HSPBP1: variants seen among roughly 807,000 people sequenced by gnomAD.
HSPBP1 encodes hsp70-binding protein 1.
In HSPBP1, 31 loss-of-function variants were observed where a neutral mutation model predicts 41.7. The observed-to-expected ratio is 0.74, with a 90% confidence interval of 0.56 to 1.00. The LOEUF (loss-of-function observed/expected upper bound fraction) is 1.00, where lower values mean the gene tolerates loss of function less well. Ranked by LOEUF, HSPBP1 falls within the 50% of genes least tolerant of loss-of-function variation. The pLI is 0.00. For missense variants in HSPBP1, 439 were observed against 487.9 expected, an observed-to-expected ratio of 0.90 and a Z score of 0.94; for synonymous variants, 199 against 214.4, an observed-to-expected ratio of 0.93 and a Z score of 0.63.
rs3040014 is a variant in HSPBP1 at position 55,279,518 on chromosome 19, A to AGCCGCCGCC, written c.82_90dup (p.Gly28_Gly30dup). 801,320 of 1,597,532 alleles carry AGCCGCCGCC rather than the reference A, an allele frequency of 0.5. 202,530 individuals are homozygous for AGCCGCCGCC. The highest frequency in any genetic ancestry group is 0.85 in the East Asian group (37,535 of 44,060). ...GAATTGCCCGAGCCCCCAGCCGAGG[A>AGCCGCCGCC]GCCGCCGCCGCCGCCCCCTGAAGAG... is the stretch of plus-strand genomic sequence containing the variant. On this transcript the variant is annotated inframe_insertion, in exon 2 of 8. Coordinates refer to ENST00000433386, the MANE Select transcript of HSPBP1 (RefSeq NM_012267.5).
intron 7 of HSPBP1, among the ~76,000 whole-genome samples, chr19:55,265,052 G>A (rs529600276): frequency 2.4e-4 from 24 of 98,018 alleles, no homozygotes; most frequent in Admixed American, 3.8e-4. Flanking sequence ...CCCCTCCCCC[G>A]GCACACGATC....
intron 4 of HSPBP1, among the ~76,000 whole-genome samples, chr19:55,271,215 AC>A (rs1040535075): frequency 4.7e-5 from 7 of 150,256 alleles, no homozygotes; most frequent in African/African-American, 1.7e-4. Flanking sequence ...ATATGTAATG[AC>A]TTTTTTTTTT....
rs1600154858 is a variant in HSPBP1 at position 55,277,647 on chromosome 19, G to A, written c.410C>T (p.Ala137Val). 1 of 1,604,942 alleles carries A rather than the reference G, an allele frequency of 6.2e-7. No individual in the cohort carries two copies. Among genetic ancestry groups the A allele is most frequent in the East Asian group, 2.2e-5 (1 of 44,500 alleles). Residue 137 changes from alanine (A) to valine (V), a missense_variant, in exon 3 of 8, where the codon GCC becomes GTC. Physicochemically the swap from Ala to Val is moderately conservative, Grantham distance 64. Transcript: ENST00000433386. ...LADLCENMDNAADFCQLSGMH... is the reference protein window; with the variant it reads ...LADLCENMDNVADFCQLSGMH... ...TGGCGGGGGAAGCGGGGTACCTGCG[G>A]CATTGTCCATGTTCTCACACAGGTC...
At chr19:55,274,666 T>A (rs200370801) in intron 3 of HSPBP1, 44 bp from the exon 4 acceptor site, 3 of 1,524,516 alleles carry the variant, frequency 2.0e-6, no homozygotes, top group Non-Finnish European at 2.7e-6. Context: ...TGTTAGGGAC[T>A]GAACCGTGCC....
chr19:55,262,419 T>C lies in HSPBP1; in HGVS notation c.*189A>G. The stretch of plus-strand genomic sequence containing the variant: ...GAGAACGGGGATGAGAGTGAGAGCA[T>C]GGGAGGTGGGGTCCAAGGAGCTGGT... On this transcript the variant is annotated 3_prime_UTR_variant, in exon 8 of 8. Coordinates refer to ENST00000433386, the MANE Select transcript of HSPBP1 (RefSeq NM_012267.5). 7.1e-7 allele frequency: 1 copy of C among 1,409,938 alleles called. No homozygotes were observed. Among genetic ancestry groups the C allele is most frequent in the Non-Finnish European group, 9.2e-7 (1 of 1,083,464 alleles). 87.3% of individuals were successfully genotyped at this position (1,409,938 alleles called of 1,614,324 possible). A position where few individuals can be genotyped will look rare whatever the true frequency, so the allele number is the denominator to read the frequency against.
chr19:55,264,639 G>A (rs1461155923), intron 7 of HSPBP1, among the ~76,000 whole-genome samples: 3 of 152,056 alleles, frequency 2.0e-5, no homozygotes, highest in Non-Finnish European at 4.4e-5. Context: ...AGACATTTGA[G>A]TGATATTATA....
Position 55,274,611 on chromosome 19 carries a change from G to T in HSPBP1, c.427C>A (p.Leu143Met), listed in dbSNP as rs2088022226. Residue 143 changes from leucine to methionine, a missense_variant, in exon 4 of 8, where the codon CTG becomes ATG. Coordinates refer to ENST00000433386, the MANE Select transcript of HSPBP1 (RefSeq NM_012267.5). ...NMDNAADFCQ[L>M]SGMHLLVGRY... ...CCCACCAGCAGGTGCATGCCAGACA[G>T]CTGGCAGAAGTCTGTGCCACAGAGG... The T allele has an allele frequency of 6.2e-7, 1 of 1,604,942 alleles. No individual in the cohort carries two copies.
At chr19:55,274,357 A>ACCCCCCCCCCCCCCCCCCCC in intron 4 of HSPBP1, 41 bp downstream of exon 4, 1 of 206,248 alleles carries the variant, frequency 4.8e-6, no homozygotes, top group South Asian at 5.1e-5. Context: ...ACCCCCCCCC[A>ACCCCCCCCCCCCCCCCCCCC]CCGCCAGCAC....
At chr19:55,277,195 G>A (rs2088096401) in intron 3 of HSPBP1, among the ~76,000 whole-genome samples, 3 of 152,116 alleles carry the variant, frequency 2.0e-5, no homozygotes, top group Admixed American at 2.0e-4. Flanking sequence ...TGCCTCAAGG[G>A]CCTGGCTGCT....
At chr19:55,276,143 A>G (rs1441944697) in intron 3 of HSPBP1, among the ~76,000 whole-genome samples, 2 of 150,176 alleles carry the variant, frequency 1.3e-5, no homozygotes, top group Non-Finnish European at 3.0e-5. Flanking sequence ...AAGCTCTGAC[A>G]CACGCCACAA....
At chr19:55,274,345 G>GCCCCCCCCCCCCCCCCCCACCCC in intron 4 of HSPBP1, 53 bp downstream of exon 4, 1 of 552,678 alleles carries the variant, frequency 1.8e-6, no homozygotes, top group Non-Finnish European at 3.1e-6. Flanking sequence ...GGCCCACCCG[G>GCCCCCCCCCCCCCCCCCCACCCC]CACCCCCCCC....
chr19:55,265,813 T>C, intron 6 of HSPBP1, 73 bp downstream of exon 6: 1 of 1,006,208 alleles, frequency 9.9e-7, no homozygotes. Context: ...TACGGGCTGA[T>C]TCCTGAGCCA....
At chr19:55,262,772 T>C in intron 7 of HSPBP1, 90 bp from the exon 8 acceptor site, 2 of 1,227,942 alleles carry the variant, frequency 1.6e-6, no homozygotes, top group South Asian at 2.6e-5. Flanking sequence ...GTGACTCCTC[T>C]TCTCTCCTGG....
chr19:55,263,916 T>A (rs1390441856), intron 7 of HSPBP1, among the ~76,000 whole-genome samples: 1 of 152,174 alleles, frequency 6.6e-6, no homozygotes, highest in Non-Finnish European at 1.5e-5. Context: ...CAAATCTAAT[T>A]TGAATGTTTC....
chr19:55,262,730 G>A (rs971722726), intron 7 of HSPBP1, 48 bp from the exon 8 acceptor site: 6 of 1,554,150 alleles, frequency 3.9e-6, no homozygotes, highest in Non-Finnish European at 5.3e-6. Context: ...GCAGAGGCCG[G>A]ACCCTGCCTC....
intron 3 of HSPBP1, 36 bp downstream of exon 3, chr19:55,277,606 G>A: frequency 6.3e-7 from 1 of 1,578,526 alleles, no homozygotes; most frequent in Non-Finnish European, 8.6e-7. Flanking sequence ...GACATGTACA[G>A]AGGGGCAGAA....
chr19:55,274,533 T>A lies in HSPBP1; in HGVS notation c.505A>T (p.Ile169Phe). Reference protein sequence around the residue: ...AGLRWRAAQLIGTCSQNVAAI... With the variant: ...AGLRWRAAQLFGTCSQNVAAI... ...GCCACGTTCTGACTGCACGTGCCGA[T>A]GAGCTGTGCCGCCCGCCACCGCAGT... The change falls in exon 4 of 8, where the codon ATC (isoleucine) becomes TTC (phenylalanine). Residue 169 changes from isoleucine (I) to phenylalanine (F), a missense_variant. Ile to Phe is a conservative substitution (Grantham distance 21). Transcript: ENST00000433386. 1 of 1,608,666 alleles carries A rather than the reference T, an allele frequency of 6.2e-7. No individual in the cohort carries two copies. Among genetic ancestry groups the A allele is most frequent in the Non-Finnish European group, 8.5e-7 (1 of 1,179,404 alleles).
In HSPBP1 at chr19:55,270,057, G is replaced by A. The variant is rs2087880862; in HGVS notation, c.641-3771C>T. On this transcript the variant is annotated intron_variant, in intron 4 of 7. Coordinates refer to ENST00000433386, the MANE Select transcript of HSPBP1 (RefSeq NM_012267.5). This position sits in a 1 kb window ranked among gnomAD's most constrained non-coding sequence, Gnocchi z 5.4. Reference sequence around the variant, plus strand: ...TACCCTGCAAATGGCTCCCAGCACGGAACTCCAGTAATGGTACTGGACAGC... The same window carrying A: ...TACCCTGCAAATGGCTCCCAGCACGAAACTCCAGTAATGGTACTGGACAGC... Among the ~76,000 whole-genome samples, 1 of 152,120 alleles carries A rather than the reference G, an allele frequency of 6.6e-6. No individual in the cohort carries two copies. The highest frequency in any genetic ancestry group is 2.4e-5 in the African/African-American group (1 of 41,420).
chr19:55,274,456 C>A lies in HSPBP1; in HGVS notation c.582G>T (p.Arg194=), dbSNP rs773982890. The part of the protein sequence containing the change: ...LGLGALRKLL[R]LLDRDACDTV... ...TGTCGCAGGCGTCGCGGTCCAGCAGCCGCAGCAGCTTACGCAGGGCACCCA... is the reference window on the plus strand; with the variant it reads ...TGTCGCAGGCGTCGCGGTCCAGCAGACGCAGCAGCTTACGCAGGGCACCCA... The change falls in exon 4 of 8, where the codon CGG becomes CGT. Residue 194 remains arginine (R), a synonymous_variant. Coordinates refer to ENST00000433386, the MANE Select transcript of HSPBP1 (RefSeq NM_012267.5). 6 of 1,589,036 alleles carry A rather than the reference C, an allele frequency of 3.8e-6. No individual in the cohort carries two copies. Among genetic ancestry groups the A allele is most frequent in the Non-Finnish European group, 5.1e-6 (6 of 1,171,744 alleles).
Sources: allele counts gnomAD v4.1 joint callset (sites outside exome capture counted in the v4.1 genomes callset), GRCh38; gene constraint gnomAD v4.1.1; non-coding constraint Gnocchi (gnomAD v3.1); transcripts MANE v1.5; gene names NCBI Gene and HGNC (gene_info 2026-07-23, HGNC 2026-07-21).